The following CDH12 variants were observed in gnomAD, a reference collection of about 807,000 sequenced individuals.
The protein encoded by CDH12 is cadherin-12.
Under a neutral mutation model 74.1 loss-of-function variants are expected in CDH12, and 41 were observed. The ratio of observed to expected loss-of-function variants is 0.55; its 90% CI spans 0.43 to 0.72. CDH12 has a LOEUF of 0.72. Ranked by LOEUF, CDH12 falls within the 30% of genes least tolerant of loss-of-function variation. The probability of loss-of-function intolerance (pLI) is 0.00; values close to 1 mark genes in which losing one functional copy is unlikely to be tolerated. For missense variants in CDH12, 945 were observed against 977.2 expected, an observed-to-expected ratio of 0.97 and a Z score of 0.44; for synonymous variants, 399 against 355.0, an observed-to-expected ratio of 1.12 and a Z score of -1.39.
At chr5:22,729,540 A>G (rs1031463328) in intron 1 of CDH12, among the ~76,000 whole-genome samples, 3 of 151,870 alleles carry the variant, frequency 2.0e-5, no homozygotes, top group Non-Finnish European at 4.4e-5. Flanking sequence ...CAGCCCAGGA[A>G]TTAAGGCATA....
intron 4 of CDH12, among the ~76,000 whole-genome samples, chr5:22,180,139 T>C (rs1749556006): frequency 6.6e-6 from 1 of 152,196 alleles, no homozygotes; most frequent in Non-Finnish European, 1.5e-5. Context: ...ACTGCAAACA[T>C]GGATCACATC....
intron 5 of CDH12, among the ~76,000 whole-genome samples, chr5:22,019,429 G>C (rs754685899): frequency 1.3e-5 from 2 of 152,062 alleles, no homozygotes; most frequent in Non-Finnish European, 2.9e-5. Context: ...TACCTATGTT[G>C]AAATTGTAAC....
intron 2 of CDH12, among the ~76,000 whole-genome samples, chr5:22,498,616 C>A (rs2126651816): frequency 1.3e-5 from 2 of 151,732 alleles, no homozygotes; most frequent in African/African-American, 4.8e-5. Context: ...ATTTGAAATA[C>A]AAAAGCATTT....
intron 4 of CDH12, among the ~76,000 whole-genome samples, chr5:22,173,998 T>C (rs1053639807): frequency 8.6e-5 from 13 of 151,966 alleles, no homozygotes; most frequent in African/African-American, 2.7e-4. Context: ...TAGTATTCTG[T>C]GAAACACATT....
chr5:22,609,419 G>T (rs543378526), intron 1 of CDH12, among the ~76,000 whole-genome samples: 5 of 151,972 alleles, frequency 3.3e-5, no homozygotes, highest in Admixed American at 6.6e-5. Flanking sequence ...GAAGTTTCTG[G>T]CCTAAGTGTT....
chr5:22,830,885 A>T (rs1469626160), intron 1 of CDH12, among the ~76,000 whole-genome samples: 1 of 151,692 alleles, frequency 6.6e-6, no homozygotes, highest in Non-Finnish European at 1.5e-5. Flanking sequence ...TTAATATTAA[A>T]CACTGATAAC....
chr5:22,649,557 T>C (rs1739621713), intron 1 of CDH12, among the ~76,000 whole-genome samples: 1 of 151,992 alleles, frequency 6.6e-6, no homozygotes, highest in Admixed American at 6.6e-5. Context: ...TTGGAAAACA[T>C]AGGATTTCAA....
intron 2 of CDH12, among the ~76,000 whole-genome samples, chr5:22,487,423 A>G (rs1318261078): frequency 6.6e-6 from 1 of 152,196 alleles, no homozygotes; most frequent in African/African-American, 2.4e-5. Flanking sequence ...TAATTTGACA[A>G]TAATAGAAGG....
chr5:21,807,699 C>T (rs570603919), intron 9 of CDH12, among the ~76,000 whole-genome samples: 1 of 152,080 alleles, frequency 6.6e-6, no homozygotes, highest in Admixed American at 6.6e-5. Context: ...ATGATAGCTT[C>T]AGCAGGCAGA....
rs1554007030 is a variant in CDH12, at chr5:22,831,351, T to TGTGTGTGTGTGTG, written c.-523+21706_-523+21707insCACACACACACAC. ...CAAAGGAAGGTAGGGGTTTTGGAGT[T>TGTGTGTGTGTGTG]TGTGTGTGTGTGTGTGTGTCTGTGT... On this transcript the variant is annotated intron_variant, in intron 1 of 14. Transcript: ENST00000382254. 5.9e-4 allele frequency among the ~76,000 whole-genome samples: 82 copies of TGTGTGTGTGTGTG among 138,538 alleles called. 1 individual carries two copies. Among genetic ancestry groups the TGTGTGTGTGTGTG allele is most frequent in the East Asian group, 1.7e-3 (8 of 4,780 alleles). 90.9% of individuals were successfully genotyped at this position (138,538 alleles called of 152,430 possible). A position where few individuals can be genotyped will look rare whatever the true frequency, so the allele number is the denominator to read the frequency against.
rs146681175 is a variant in CDH12, at chr5:21,858,683, G to A, written c.527-3893C>T. 6.4e-4 allele frequency among the ~76,000 whole-genome samples: 97 copies of A among 152,010 alleles called. No homozygotes were observed. In the East Asian group the frequency reaches 0.013, roughly 20 times the overall value. On this transcript the variant is annotated intron_variant, in intron 6 of 14. Coordinates refer to ENST00000382254, the MANE Select transcript of CDH12 (RefSeq NM_004061.5). ...AGGGAAACACCTTGAACAAAATTGA[G>A]AGACCAACTCCTGAAATCTTATATC...
chr5:22,269,571 A>T (rs988844568), intron 3 of CDH12, among the ~76,000 whole-genome samples: 3 of 152,142 alleles, frequency 2.0e-5, no homozygotes, highest in African/African-American at 4.8e-5. Context: ...ACCATGTCCA[A>T]ACTAATGTAA....
chr5:22,608,188 T>C (rs1737214600), intron 1 of CDH12, among the ~76,000 whole-genome samples: 1 of 147,004 alleles, frequency 6.8e-6, no homozygotes, highest in Admixed American at 7.6e-5. Flanking sequence ...CAGGAGGTGG[T>C]GAGGGGGGCT....
At chr5:22,022,450 G>A (rs532006081) in intron 5 of CDH12, among the ~76,000 whole-genome samples, 5 of 151,946 alleles carry the variant, frequency 3.3e-5, no homozygotes, top group African/African-American at 9.7e-5. Flanking sequence ...CCATGCCTTC[G>A]TATAGCTTGT....
chr5:21,936,992 G>C (rs1001044350), intron 6 of CDH12, among the ~76,000 whole-genome samples: 3 of 152,044 alleles, frequency 2.0e-5, no homozygotes, highest in African/African-American at 7.2e-5. Context: ...TCCATTCTCA[G>C]GTAGTATCTT....
chr5:22,436,690 C>T (rs1744408678), intron 2 of CDH12, among the ~76,000 whole-genome samples: 1 of 151,946 alleles, frequency 6.6e-6, no homozygotes, highest in South Asian at 2.1e-4. Context: ...AACCATGAGT[C>T]CATGCTTTTA....
At chr5:22,806,351 C>CTTTT (rs35491823) in intron 1 of CDH12, among the ~76,000 whole-genome samples, 3 of 126,358 alleles carry the variant, frequency 2.4e-5, no homozygotes, top group African/African-American at 2.9e-5. Context: ...GATTGCCATT[C>CTTTT]TTTTTTTTTT....
intron 4 of CDH12, among the ~76,000 whole-genome samples, chr5:22,204,162 G>GGTTTTTTTTTTTTTT (rs1554020485): frequency 5.4e-5 from 7 of 129,840 alleles, no homozygotes; most frequent in Non-Finnish European, 3.4e-5. Context: ...TGTTTTGTTT[G>GGTTTTTTTTTTTTTT]TTTTTTTTTT....
intron 2 of CDH12, among the ~76,000 whole-genome samples, chr5:22,426,053 G>A (rs1039211293): frequency 1.3e-5 from 2 of 151,908 alleles, no homozygotes; most frequent in Non-Finnish European, 2.9e-5. Context: ...TGGGTGTGGT[G>A]GCGGGCGCCT....
Sources: allele counts gnomAD v4.1 joint callset (sites outside exome capture counted in the v4.1 genomes callset), GRCh38; gene constraint gnomAD v4.1.1; transcripts MANE v1.5; gene names NCBI Gene and HGNC (gene_info 2026-07-23, HGNC 2026-07-21).